Variants in FRMD4B observed in about 807,000 individuals in gnomAD.
FRMD4B encodes the protein FERM domain-containing protein 4B.
A neutral mutation model predicts 141.5 loss-of-function variants in FRMD4B; 74 were observed. That is an observed-to-expected ratio of 0.52 (90% CI 0.43 to 0.63). The LOEUF is 0.63. FRMD4B is among the 30% of genes least tolerant of loss of function. The probability of loss-of-function intolerance (pLI) is 0.00; values close to 1 mark genes in which losing one functional copy is unlikely to be tolerated. For synonymous variants in FRMD4B, 506 were observed against 467.9 expected (o/e 1.08, Z -1.05); for missense variants, 1,366 against 1,253.4 (o/e 1.09, Z -1.36).
intron 1 of FRMD4B, among the ~76,000 whole-genome samples, chr3:69,513,660 C>T (rs992433504): frequency 4.6e-5 from 7 of 151,796 alleles, no homozygotes; most frequent in East Asian, 1.9e-4. Flanking sequence ...TCCTAACAAA[C>T]AAAATTCAAC....
chr3:69,523,170 A>C (rs148579522), intron 1 of FRMD4B, among the ~76,000 whole-genome samples: 1,780 of 151,918 alleles, frequency 0.012, 85 homozygotes, highest in Admixed American at 0.082. Context: ...ATGGCAATGG[A>C]TAGAATGATC....
intron 1 of FRMD4B, among the ~76,000 whole-genome samples, chr3:69,478,152 C>A (rs1706035560): frequency 6.6e-6 from 1 of 152,154 alleles, no homozygotes; most frequent in Non-Finnish European, 1.5e-5. Flanking sequence ...TTTCAAAAAA[C>A]CAGCTCCTGG....
chr3:69,485,803 A>G (rs964538586), intron 1 of FRMD4B, among the ~76,000 whole-genome samples: 1 of 152,174 alleles, frequency 6.6e-6, no homozygotes, highest in Non-Finnish European at 1.5e-5. Context: ...CAGCCCCATC[A>G]TGGTGGCCCC....
intron 1 of FRMD4B, among the ~76,000 whole-genome samples, chr3:69,323,932 T>A (rs1469385393): frequency 3.3e-5 from 5 of 152,128 alleles, no homozygotes; most frequent in African/African-American, 9.7e-5. Flanking sequence ...ATCACCTTGA[T>A]TGCGAAGCCT....
At chr3:69,292,398 C>T (rs1201914655) in intron 4 of FRMD4B, among the ~76,000 whole-genome samples, 1 of 152,236 alleles carries the variant, frequency 6.6e-6, no homozygotes, top group Non-Finnish European at 1.5e-5. Flanking sequence ...AAACCGCATA[C>T]AGGTTGCTGG....
intron 19 of FRMD4B, 43 bp downstream of exon 19, chr3:69,187,727 C>T: frequency 1.3e-6 from 2 of 1,549,126 alleles, no homozygotes; most frequent in Non-Finnish European, 1.7e-6. Context: ...GAAAAATTTC[C>T]TAGCTGTGGG....
At chr3:69,451,340 A>T (rs1442013546) in intron 1 of FRMD4B, among the ~76,000 whole-genome samples, 1 of 152,252 alleles carries the variant, frequency 6.6e-6, no homozygotes, top group African/African-American at 2.4e-5. Context: ...TGGCCTGGCA[A>T]TGATCAGTGA....
chr3:69,539,858 T>TGC (rs1400155294), intron 1 of FRMD4B, among the ~76,000 whole-genome samples: 5 of 151,832 alleles, frequency 3.3e-5, no homozygotes, highest in African/African-American at 4.9e-5. Context: ...TGTGTGTGTG[T>TGC]GCGTGTTACT....
chr3:69,453,797 T>C (rs1705538211), intron 1 of FRMD4B, among the ~76,000 whole-genome samples: 1 of 152,092 alleles, frequency 6.6e-6, no homozygotes. Flanking sequence ...AGTAAGGAAA[T>C]CCATGTAGCC....
At chr3:69,274,568 G>GAC (rs1306021995) in intron 5 of FRMD4B, among the ~76,000 whole-genome samples, 1 of 151,788 alleles carries the variant, frequency 6.6e-6, no homozygotes, top group Non-Finnish European at 1.5e-5. Context: ...ACCCAGGCTG[G>GAC]AGTGCAGTGG....
At chr3:69,322,619 C>G in intron 1 of FRMD4B, among the ~76,000 whole-genome samples, 1 of 122,194 alleles carries the variant, frequency 8.2e-6, no homozygotes, top group East Asian at 2.3e-4. Flanking sequence ...TTTTTTGAGA[C>G]AGGGTCTTGC....
chr3:69,498,646 C>G (rs983875554), intron 1 of FRMD4B, among the ~76,000 whole-genome samples: 1 of 152,150 alleles, frequency 6.6e-6, no homozygotes, highest in Non-Finnish European at 1.5e-5. Context: ...ACTTTCATAG[C>G]TTAGAACTCT....
chr3:69,181,317 G>A lies in FRMD4B; in HGVS notation c.2433C>T (p.Pro811=). 5 of 1,613,940 alleles carry A rather than the reference G, an allele frequency of 3.1e-6. No individual in the cohort carries two copies. The highest frequency in any genetic ancestry group is 1.1e-5 in the South Asian group (1 of 91,082). Residue 811 remains proline (P), a synonymous_variant, in exon 21 of 23, where the codon CCC becomes CCT. Coordinates refer to ENST00000398540, the MANE Select transcript of FRMD4B (RefSeq NM_015123.3). Reference sequence around the variant, plus strand: ...TGTAATAAAAGTCACACTCTGCATAGGGTGTGTACCCGGCAATGTAGTAAC... The same window carrying A: ...TGTAATAAAAGTCACACTCTGCATAAGGTGTGTACCCGGCAATGTAGTAAC... The part of the protein sequence containing the change: ...SSSYYIAGYT[P]YAECDFYYSG...
chr3:69,194,067 T>C (rs879427318), intron 16 of FRMD4B, among the ~76,000 whole-genome samples, 194 bp from the exon 17 acceptor site: 9 of 152,240 alleles, frequency 5.9e-5, no homozygotes, highest in Non-Finnish European at 1.2e-4. Context: ...TTCTCATTAG[T>C]CCAAACCTCT....
chr3:69,304,696 C>T (rs1701337184), intron 3 of FRMD4B, among the ~76,000 whole-genome samples: 2 of 152,104 alleles, frequency 1.3e-5, no homozygotes, highest in South Asian at 4.1e-4. Context: ...TGTTTACGTG[C>T]CTTTTCCGAG....
At chr3:69,516,578 C>T (rs1295876145) in intron 1 of FRMD4B, among the ~76,000 whole-genome samples, 1 of 152,180 alleles carries the variant, frequency 6.6e-6, no homozygotes, top group Non-Finnish European at 1.5e-5. Context: ...TTGATTTTAG[C>T]CCGGTGAAAC....
At chr3:69,392,623 T>C (rs889865117) in intron 2 of FRMD4B, among the ~76,000 whole-genome samples, 1 of 152,062 alleles carries the variant, frequency 6.6e-6, no homozygotes, top group Admixed American at 6.6e-5. Context: ...TGAAGGAGTG[T>C]TCCTGTTCCT....
intron 1 of FRMD4B, among the ~76,000 whole-genome samples, chr3:69,474,676 A>C (rs1299906937): frequency 6.6e-6 from 1 of 150,790 alleles, no homozygotes; most frequent in African/African-American, 2.5e-5. Flanking sequence ...TGATTGCTTT[A>C]AACACTGGAG....
At chr3:69,394,242 C>G (rs1228593760) in intron 2 of FRMD4B, among the ~76,000 whole-genome samples, 2 of 152,218 alleles carry the variant, frequency 1.3e-5, no homozygotes, top group African/African-American at 4.8e-5. Flanking sequence ...GTCTTTTCAG[C>G]CCCTTATAAA....
Sources: gnomAD v4.1 joint callset for allele counts (sites outside exome capture counted in the v4.1 genomes callset) on GRCh38, gnomAD v4.1.1 for gene constraint, MANE v1.5 for transcripts, NCBI Gene and HGNC (gene_info 2026-07-23, HGNC 2026-07-21) for gene names.